Variants in CSMD1 observed in about 807,000 individuals in gnomAD.
CSMD1 encodes CUB and Sushi multiple domains 1.
In CSMD1, 213 loss-of-function variants were observed where a neutral mutation model predicts 417.5. The ratio of observed to expected loss-of-function variants is 0.51; its 90% confidence interval spans 0.46 to 0.57. The LOEUF is 0.57. Ranked by LOEUF, CSMD1 falls within the 20% of genes least tolerant of loss-of-function variation. The pLI, the probability that CSMD1 is intolerant of heterozygous loss-of-function variation, is 0.00. For synonymous variants in CSMD1, 2,862 were observed against 1,736.8 expected (o/e 1.65, Z -16.11); for missense variants, 6,923 against 4,529.7 (o/e 1.53, Z -15.17).
At chr8:3,973,576 A>C (rs1490880926) in intron 5 of CSMD1, among the ~76,000 whole-genome samples, 1 of 152,230 alleles carries the variant, frequency 6.6e-6, no homozygotes, top group Admixed American at 6.5e-5. Flanking sequence ...CTAGAATTTT[A>C]AAAAAGAAGG....
At chr8:3,158,426 G>C (rs559639384) in intron 38 of CSMD1, among the ~76,000 whole-genome samples, 1 of 151,714 alleles carries the variant, frequency 6.6e-6, no homozygotes, top group East Asian at 1.9e-4. Flanking sequence ...CTGTGCTTCC[G>C]CGTCACATGA....
At chr8:3,594,334 G>A (rs1800993970) in intron 8 of CSMD1, among the ~76,000 whole-genome samples, 1 of 152,100 alleles carries the variant, frequency 6.6e-6, no homozygotes, top group Non-Finnish European at 1.5e-5. Flanking sequence ...GAACTGATTT[G>A]CCTTTAGTAA....
intron 5 of CSMD1, among the ~76,000 whole-genome samples, chr8:3,834,737 T>G (rs892871041): frequency 1.3e-5 from 2 of 152,020 alleles, no homozygotes; most frequent in Non-Finnish European, 2.9e-5. Flanking sequence ...GGCTCCATTC[T>G]CGGAGGTGGA....
chr8:4,261,639 G>C (rs1293287304), intron 3 of CSMD1, among the ~76,000 whole-genome samples: 1 of 151,974 alleles, frequency 6.6e-6, no homozygotes, highest in Non-Finnish European at 1.5e-5. Flanking sequence ...TGAACTCCTA[G>C]GCTCAGGCAA....
At chr8:3,926,108 C>CAA (rs1554488656) in intron 5 of CSMD1, among the ~76,000 whole-genome samples, 2 of 79,180 alleles carry the variant, frequency 2.5e-5, no homozygotes, top group African/African-American at 6.2e-5. Flanking sequence ...CACACACACA[C>CAA]ACACACACAC....
At chr8:3,421,876 G>T (rs1034105735) in intron 12 of CSMD1, among the ~76,000 whole-genome samples, 1 of 149,540 alleles carries the variant, frequency 6.7e-6, no homozygotes, top group Non-Finnish European at 1.5e-5. Context: ...AACTTCAGGC[G>T]ATCCACCCAC....
intron 15 of CSMD1, among the ~76,000 whole-genome samples, chr8:3,402,600 T>C (rs1585111082): frequency 6.6e-6 from 1 of 152,160 alleles, no homozygotes; most frequent in Non-Finnish European, 1.5e-5. Context: ...CGCTTTTAAA[T>C]AAAAAAATTG....
intron 7 of CSMD1, among the ~76,000 whole-genome samples, chr8:3,654,519 G>A (rs766868271): frequency 6.6e-6 from 1 of 152,150 alleles, no homozygotes; most frequent in Non-Finnish European, 1.5e-5. Flanking sequence ...CACACTGTTA[G>A]GAGAACTTAC....
At chr8:4,098,505 A>G (rs948193156) in intron 3 of CSMD1, among the ~76,000 whole-genome samples, 4 of 152,166 alleles carry the variant, frequency 2.6e-5, no homozygotes, top group African/African-American at 7.2e-5. Flanking sequence ...GTTTTAGGCC[A>G]GTTACCCAGC....
chr8:4,198,534 A>T (rs1417176471), intron 3 of CSMD1, among the ~76,000 whole-genome samples: 1 of 152,188 alleles, frequency 6.6e-6, no homozygotes, highest in Non-Finnish European at 1.5e-5. Context: ...TGAGAAAGAA[A>T]GTGTCTAGAA....
intron 1 of CSMD1, among the ~76,000 whole-genome samples, chr8:4,829,482 C>T (rs1218432404): frequency 6.6e-6 from 1 of 152,068 alleles, no homozygotes; most frequent in South Asian, 2.1e-4. Context: ...TGGCTAATAC[C>T]TGTAATCTCA....
At chr8:3,247,754 AAAAAC>A (rs1289720261) in intron 26 of CSMD1, among the ~76,000 whole-genome samples, 2 of 152,228 alleles carry the variant, frequency 1.3e-5, no homozygotes, top group South Asian at 2.1e-4. Flanking sequence ...GTTACACTAA[AAAAAC>A]AAAACCAACA....
At chr8:3,042,154 G>A (rs1372664634) in intron 50 of CSMD1, among the ~76,000 whole-genome samples, 1 of 152,180 alleles carries the variant, frequency 6.6e-6, no homozygotes, top group East Asian at 1.9e-4. Flanking sequence ...GGTCTCTCAT[G>A]CATCTGGTTA....
chr8:4,462,043 A>C (rs190732745), intron 2 of CSMD1, among the ~76,000 whole-genome samples: 5 of 151,758 alleles, frequency 3.3e-5, no homozygotes, highest in African/African-American at 1.2e-4. Context: ...TCTGGCTGCT[A>C]ATCTTATTTT....
chr8:3,127,988 G>C (rs1426000243), intron 41 of CSMD1: 2 of 147,936 alleles, frequency 1.4e-5, no homozygotes, highest in African/African-American at 5.0e-5. Flanking sequence ...AAGAAGGGAG[G>C]GAGGGAGGGA....
At chr8:3,268,105 T>G (rs1048093925) in intron 26 of CSMD1, among the ~76,000 whole-genome samples, 2 of 151,850 alleles carry the variant, frequency 1.3e-5, no homozygotes, top group African/African-American at 4.8e-5. Context: ...CAGGGCACAA[T>G]AGGAAGAGAC....
chr8:4,901,361 T>C (rs928132507), intron 1 of CSMD1, among the ~76,000 whole-genome samples: 10 of 152,248 alleles, frequency 6.6e-5, no homozygotes, highest in African/African-American at 2.2e-4. Context: ...AGTGTAGTTA[T>C]CTATAGAAGA....
intron 26 of CSMD1, among the ~76,000 whole-genome samples, chr8:3,268,099 G>T (rs896932413): frequency 6.6e-6 from 1 of 151,952 alleles, no homozygotes; most frequent in Non-Finnish European, 1.5e-5. Context: ...GGTACTCAGG[G>T]CACAATAGGA....
At chr8:4,742,352 A>G (rs1398458942) in intron 1 of CSMD1, among the ~76,000 whole-genome samples, 1 of 151,902 alleles carries the variant, frequency 6.6e-6, no homozygotes, top group Admixed American at 6.6e-5. Context: ...TGAGAAGCAC[A>G]TCTCTAAGCC....
Sources: gnomAD v4.1 joint callset for allele counts (sites outside exome capture counted in the v4.1 genomes callset) on GRCh38, gnomAD v4.1.1 for gene constraint, MANE v1.5 for transcripts, NCBI Gene and HGNC (gene_info 2026-07-23, HGNC 2026-07-21) for gene names.